Variants in HDAC9 observed in about 807,000 individuals in gnomAD.
HDAC9 encodes the protein histone deacetylase 9.
A neutral mutation model predicts 139.4 loss-of-function variants in HDAC9; 41 were observed. The ratio of observed to expected loss-of-function variants is 0.29; its 90% CI spans 0.23 to 0.38. The LOEUF (loss-of-function observed/expected upper bound fraction) is 0.38. HDAC9 is among the 10% of genes least tolerant of loss of function. The pLI is 1.00. For synonymous variants in HDAC9, 517 were observed against 476.2 expected, an observed-to-expected ratio of 1.09 and a Z score of -1.12; for missense variants, 1,147 against 1,297.0, an observed-to-expected ratio of 0.88 and a Z score of 1.78.
intron 2 of HDAC9, among the ~76,000 whole-genome samples, chr7:18,207,444 T>C (rs1314412920): frequency 6.6e-6 from 1 of 150,728 alleles, no homozygotes; most frequent in Non-Finnish European, 1.5e-5. Flanking sequence ...TCTCACTCTA[T>C]CATCCAGGAT....
intron 12 of HDAC9, among the ~76,000 whole-genome samples, chr7:18,726,680 T>C (rs977650310): frequency 1.3e-5 from 2 of 150,934 alleles, no homozygotes; most frequent in African/African-American, 4.8e-5. Context: ...ATATTTTTGA[T>C]AAATATTTTT....
chr7:18,802,497 T>C (rs947510170), intron 17 of HDAC9, among the ~76,000 whole-genome samples: 1 of 151,938 alleles, frequency 6.6e-6, no homozygotes, highest in Admixed American at 6.5e-5. Flanking sequence ...TTGAGTGTAA[T>C]ATTTTATATG....
chr7:18,479,984 C>CTTTT (rs753734278), intron 1 of HDAC9, among the ~76,000 whole-genome samples: 1 of 116,172 alleles, frequency 8.6e-6, no homozygotes, highest in Non-Finnish European at 1.8e-5. Flanking sequence ...TCCACTCTGT[C>CTTTT]TTTTTTTTTT....
chr7:18,532,397 T>G (rs964957558), intron 2 of HDAC9, among the ~76,000 whole-genome samples: 3 of 152,208 alleles, frequency 2.0e-5, no homozygotes, highest in African/African-American at 7.2e-5. Flanking sequence ...TAAAGCAAGA[T>G]TAATGCATTT....
intron 21 of HDAC9, among the ~76,000 whole-genome samples, chr7:18,862,691 T>A (rs1296994245): frequency 6.6e-6 from 1 of 152,106 alleles, no homozygotes; most frequent in East Asian, 1.9e-4. Flanking sequence ...ACTGACAGAG[T>A]TCCCATTTGG....
chr7:18,563,996 C>G (rs1821457979), intron 2 of HDAC9, among the ~76,000 whole-genome samples: 1 of 151,944 alleles, frequency 6.6e-6, no homozygotes, highest in Admixed American at 6.6e-5. Context: ...CCACCACGCC[C>G]AGCTAATTGT....
intron 1 of HDAC9, among the ~76,000 whole-genome samples, chr7:18,416,987 G>T (rs1789131116): frequency 6.6e-6 from 1 of 151,946 alleles, no homozygotes; most frequent in African/African-American, 2.4e-5. Context: ...TGAGATTTTT[G>T]GATGGGTGAG....
intron 1 of HDAC9, among the ~76,000 whole-genome samples, chr7:18,478,388 A>G (rs1795292504): frequency 1.3e-5 from 2 of 152,336 alleles, no homozygotes; most frequent in South Asian, 4.1e-4. Flanking sequence ...TGTACTTTTA[A>G]GTGCAGTTTA....
chr7:18,573,384 C>A (rs1393908000), intron 2 of HDAC9, among the ~76,000 whole-genome samples: 1 of 152,192 alleles, frequency 6.6e-6, no homozygotes, highest in African/African-American at 2.4e-5. Flanking sequence ...CCAATTTGGG[C>A]AGTATTGTTA....
intron 2 of HDAC9, among the ~76,000 whole-genome samples, chr7:18,539,631 C>T (rs2704289): frequency 0.19 from 28,339 of 152,134 alleles, 3,255 homozygotes; most frequent in Non-Finnish European, 0.25. Context: ...ATCTTGAAAA[C>T]TTTTCTGAAA....
At chr7:18,782,991 T>C (rs1490011380) in intron 16 of HDAC9, among the ~76,000 whole-genome samples, 1 of 152,072 alleles carries the variant, frequency 6.6e-6, no homozygotes, top group African/African-American at 2.4e-5. Context: ...TGCTACCACC[T>C]AAAAGAATAG....
At position 19,000,568 on chromosome 7, in the gene HDAC9, T is replaced by C. The variant is rs1786701648; in HGVS notation, c.*4506T>C. On this transcript the variant is annotated 3_prime_UTR_variant, in exon 26 of 26. Coordinates refer to ENST00000686413, the MANE Select transcript of HDAC9 (RefSeq NM_178425.4). The stretch of plus-strand genomic sequence containing the variant: ...TCGTATAATGGTTTTGTAAAATACA[T>C]TAAATACAATTAAGTCCGTTATTAC... 1 of 152,234 alleles carries C rather than the reference T, an allele frequency of 6.6e-6. No individual in the cohort carries two copies. Among genetic ancestry groups the C allele is most frequent in the South Asian group, 2.1e-4 (1 of 4,832 alleles). 9.4% of individuals were successfully genotyped at this position (152,234 alleles called of 1,614,324 possible).
intron 22 of HDAC9, among the ~76,000 whole-genome samples, chr7:18,896,905 C>T (rs1358767683): frequency 3.3e-5 from 5 of 151,888 alleles, no homozygotes; most frequent in African/African-American, 1.2e-4. Context: ...GGTAAATAAA[C>T]TCTAAATTTT....
chr7:18,887,607 C>T (rs1019039562), intron 22 of HDAC9, among the ~76,000 whole-genome samples: 12 of 152,098 alleles, frequency 7.9e-5, no homozygotes, highest in African/African-American at 2.9e-4. Context: ...TAAATGATAT[C>T]ATCCCCACGA....
At chr7:18,395,787 G>A (rs376580262) in intron 1 of HDAC9, among the ~76,000 whole-genome samples, 3 of 152,126 alleles carry the variant, frequency 2.0e-5, no homozygotes, top group South Asian at 4.1e-4. Context: ...TTCAGAGAAA[G>A]CCTAAAGCCT....
At chr7:18,797,772 T>C (rs1792932731) in intron 17 of HDAC9, among the ~76,000 whole-genome samples, 3 of 151,632 alleles carry the variant, frequency 2.0e-5, no homozygotes, top group African/African-American at 7.3e-5. Flanking sequence ...GGGGTTACAG[T>C]GAGCCGAGAT....
intron 1 of HDAC9, among the ~76,000 whole-genome samples, chr7:18,115,849 A>G (rs1783941480): frequency 6.6e-6 from 1 of 152,264 alleles, no homozygotes; most frequent in Non-Finnish European, 1.5e-5. Context: ...AAATAGTATT[A>G]GAGAGATTCA....
chr7:18,359,330 G>A (rs545091678), intron 1 of HDAC9, among the ~76,000 whole-genome samples: 2 of 152,040 alleles, frequency 1.3e-5, no homozygotes, highest in East Asian at 1.9e-4. Flanking sequence ...CCCGGGCAAC[G>A]GAGTGAGACT....
In HDAC9 at chr7:18,325,117, A is replaced by G. The variant is rs77781833; in HGVS notation, c.-42+34602A>G. On this transcript the variant is annotated intron_variant, in intron 1 of 3. Coordinates refer to the HDAC9 transcript ENST00000413509. ...TCCGTTGCCTGAAATAAAAGGCACA[A>G]GAAGTACTAGAAGTTAATAAAAAAA... Among the ~76,000 whole-genome samples the G allele has an allele frequency of 2.8e-3, 429 of 152,256 alleles. 2 individuals are homozygous for G. Among genetic ancestry groups the G allele is most frequent in the African/African-American group, 9.5e-3 (395 of 41,554 alleles).
Sources: allele counts gnomAD v4.1 joint callset (sites outside exome capture counted in the v4.1 genomes callset), GRCh38; gene constraint gnomAD v4.1.1; transcripts MANE v1.5; gene names NCBI Gene and HGNC (gene_info 2026-07-23, HGNC 2026-07-21).